DLG2: variants seen among roughly 807,000 people sequenced by gnomAD.
The protein encoded by DLG2 is discs large MAGUK scaffold protein 2.
A neutral mutation model predicts 132.5 loss-of-function variants in DLG2; 45 were observed. The ratio of observed to expected loss-of-function variants is 0.34; its 90% confidence interval spans 0.27 to 0.44. The LOEUF is 0.44. Ranked by LOEUF, DLG2 falls within the 20% of genes least tolerant of loss-of-function variation. The probability of loss-of-function intolerance (pLI) is 1.00; values close to 1 mark genes in which losing one functional copy is unlikely to be tolerated. For missense variants in DLG2, 1,045 were observed against 1,196.9 expected (o/e 0.87, Z 1.87); for synonymous variants, 424 against 419.6 (o/e 1.01, Z -0.13).
chr11:85,106,067 GA>G (rs2071698341), intron 6 of DLG2, among the ~76,000 whole-genome samples: 1 of 151,786 alleles, frequency 6.6e-6, no homozygotes, highest in Admixed American at 6.6e-5. Context: ...CAATTAGACT[GA>G]ATGATCCTGA....
intron 3 of DLG2, among the ~76,000 whole-genome samples, chr11:85,446,247 C>T (rs1263618665): frequency 6.6e-6 from 1 of 152,156 alleles, no homozygotes; most frequent in Non-Finnish European, 1.5e-5. Flanking sequence ...TTTAACATGC[C>T]TCTACAAAAT....
chr11:83,548,716 G>C (rs2096301097), intron 19 of DLG2, among the ~76,000 whole-genome samples: 1 of 152,054 alleles, frequency 6.6e-6, no homozygotes, highest in South Asian at 2.1e-4. Context: ...TAAGAACTAA[G>C]GTTTTAATTC....
rs34001238 is a variant in DLG2, at chr11:84,004,898, A to ATT, written c.920-24258_920-24257dup. Among the ~76,000 whole-genome samples the ATT allele has an allele frequency of 1.8e-4, 26 of 143,950 alleles. 1 individual carries two copies. The highest frequency in any genetic ancestry group is 4.2e-4 in the Admixed American group (6 of 14,318). The allele number at this position is 143,950 out of a possible 152,430, so 94.4% of individuals were successfully genotyped here. A position where few individuals can be genotyped will look rare whatever the true frequency, so the allele number is the denominator to read the frequency against. On this transcript the variant is annotated intron_variant, in intron 11 of 27. Coordinates refer to ENST00000376104, the MANE Select transcript of DLG2 (RefSeq NM_001142699.3). ...CAATCCCTATAAAAATACCAGAGTC[A>ATT]TTTTTTTTTACAGAAATGAGAAAAA... is the stretch of plus-strand genomic sequence containing the variant.
At chr11:84,872,492 C>A (rs2085627067) in intron 6 of DLG2, among the ~76,000 whole-genome samples, 1 of 152,158 alleles carries the variant, frequency 6.6e-6, no homozygotes, top group Non-Finnish European at 1.5e-5. Flanking sequence ...ATCAATACAA[C>A]ACTGTGGAAT....
intron 19 of DLG2, among the ~76,000 whole-genome samples, chr11:83,569,391 A>C (rs1455993643): frequency 1.3e-5 from 2 of 152,224 alleles, no homozygotes; most frequent in East Asian, 3.8e-4. Flanking sequence ...AAGTATCAGA[A>C]TAAAAATCTT....
intron 3 of DLG2, among the ~76,000 whole-genome samples, chr11:85,459,065 G>C (rs929899168): frequency 5.9e-5 from 9 of 152,174 alleles, no homozygotes; most frequent in African/African-American, 1.7e-4. Flanking sequence ...GGGTGTCAGG[G>C]ACAGGTAACA....
chr11:84,906,276 T>A (rs1461014234), intron 6 of DLG2, among the ~76,000 whole-genome samples: 1 of 150,736 alleles, frequency 6.6e-6, no homozygotes. Flanking sequence ...AATTAACTTT[T>A]AACATACACC....
chr11:83,722,407 A>G lies in DLG2; in HGVS notation c.1825+64283T>C, dbSNP rs369648573. Among the ~76,000 whole-genome samples the G allele has an allele frequency of 1.2e-4, 19 of 152,194 alleles. No homozygotes were observed. The East Asian group carries it at 3.3e-3, about 26-fold the overall frequency. On this transcript the variant is annotated intron_variant, in intron 18 of 27. Coordinates refer to ENST00000376104, the MANE Select transcript of DLG2 (RefSeq NM_001142699.3). ...TAAGGGTGCTAGCCTAGCTCAAGGC[A>G]CTCATAAAGCCTGTAGAGGAGTTGT...
At chr11:84,136,565 C>T (rs2094608491) in intron 9 of DLG2, among the ~76,000 whole-genome samples, 1 of 151,962 alleles carries the variant, frequency 6.6e-6, no homozygotes. Flanking sequence ...GTTTCATAGA[C>T]TCGAGAAGGA....
intron 3 of DLG2, among the ~76,000 whole-genome samples, chr11:85,426,175 G>A (rs531760864): frequency 8.8e-4 from 134 of 152,302 alleles, no homozygotes; most frequent in African/African-American, 3.1e-3. Context: ...GCAGCTCAAG[G>A]AGGCCTGCCT....
chr11:85,375,376 G>A (rs1039324462), intron 3 of DLG2, among the ~76,000 whole-genome samples: 2 of 152,084 alleles, frequency 1.3e-5, no homozygotes, highest in Non-Finnish European at 2.9e-5. Flanking sequence ...TCAAACACCC[G>A]AATCTAAAAC....
In DLG2 at chr11:84,533,905, C is replaced by CAAAAAAAAAAAAAAAAAAA. The variant is rs558597260; in HGVS notation, c.519+646_519+664dup. On this transcript the variant is annotated intron_variant, in intron 7 of 27. Transcript: ENST00000376104. ...CAAAATCCAGTAGCGCCAGTTCAGCCAAAAAAAAAAAAAAAAAAAAAAAAA... is the reference window on the plus strand; with the variant it reads ...CAAAATCCAGTAGCGCCAGTTCAGCCAAAAAAAAAAAAAAAAAAAAAAAAAAAAAAAAAAAAAAAAAAAA... Among the ~76,000 whole-genome samples the CAAAAAAAAAAAAAAAAAAA allele has an allele frequency of 4.0e-4, 28 of 70,278 alleles. 3 individuals carry two copies. Among genetic ancestry groups the CAAAAAAAAAAAAAAAAAAA allele is most frequent in the African/African-American group, 7.9e-4 (15 of 18,974 alleles). 46.1% of individuals were successfully genotyped at this position (70,278 alleles called of 152,430 possible).
At chr11:85,226,053 T>A (rs1410099233) in intron 4 of DLG2, among the ~76,000 whole-genome samples, 1 of 152,042 alleles carries the variant, frequency 6.6e-6, no homozygotes, top group Non-Finnish European at 1.5e-5. Flanking sequence ...CAAAATTGAA[T>A]TTCCAAATTT....
intron 7 of DLG2, among the ~76,000 whole-genome samples, chr11:84,458,849 C>T (rs1202460804): frequency 6.6e-6 from 1 of 150,568 alleles, no homozygotes; most frequent in Non-Finnish European, 1.5e-5. Context: ...ATAAAAATTA[C>T]TGGTAATATT....
At chr11:84,772,095 A>G (rs914932873) in intron 6 of DLG2, among the ~76,000 whole-genome samples, 4 of 152,122 alleles carry the variant, frequency 2.6e-5, no homozygotes, top group Non-Finnish European at 5.9e-5. Context: ...ACAAAAAGGA[A>G]AAGGAATTGC....
intron 18 of DLG2, among the ~76,000 whole-genome samples, chr11:83,646,341 G>C (rs2068151806): frequency 6.9e-6 from 1 of 145,360 alleles, no homozygotes; most frequent in Non-Finnish European, 1.5e-5. Flanking sequence ...TATTTAATAG[G>C]CTTTCAGATA....
At chr11:84,904,538 G>A (rs574133617) in intron 6 of DLG2, among the ~76,000 whole-genome samples, 3 of 152,008 alleles carry the variant, frequency 2.0e-5, no homozygotes, top group Admixed American at 6.6e-5. Context: ...ATTGCCGTTC[G>A]CTACTTCTTT....
At chr11:85,032,004 G>A (rs74887921) in intron 6 of DLG2, among the ~76,000 whole-genome samples, 1 of 102,380 alleles carries the variant, frequency 9.8e-6, no homozygotes, top group Admixed American at 1.5e-4. Flanking sequence ...GTTTCACTAT[G>A]TTGGCCACGG....
intron 3 of DLG2, among the ~76,000 whole-genome samples, chr11:85,586,886 C>A (rs970536256): frequency 3.3e-5 from 5 of 152,088 alleles, no homozygotes; most frequent in African/African-American, 7.2e-5. Flanking sequence ...GAGGTTTTGA[C>A]AAGCTGTGTC....
Sources: allele counts gnomAD v4.1 joint callset (sites outside exome capture counted in the v4.1 genomes callset), GRCh38; gene constraint gnomAD v4.1.1; transcripts MANE v1.5; gene names NCBI Gene and HGNC (gene_info 2026-07-23, HGNC 2026-07-21).